LINGO2: variants seen among roughly 807,000 people sequenced by gnomAD.
The protein encoded by LINGO2 is leucine rich repeat and Ig domain containing 2.
Under a neutral mutation model 30.6 loss-of-function variants are expected in LINGO2, and 14 were observed. That is an observed-to-expected ratio of 0.46 (90% CI 0.30 to 0.72). The LOEUF (loss-of-function observed/expected upper bound fraction) is 0.72, where lower values mean the gene tolerates loss of function less well. Among genes scored for constraint, LINGO2 ranks in the 30% least tolerant of loss-of-function variants. The probability of loss-of-function intolerance (pLI) is 0.07; values close to 1 mark genes in which losing one functional copy is unlikely to be tolerated. For missense variants in LINGO2, 729 were observed against 751.7 expected, an observed-to-expected ratio of 0.97 and a Z score of 0.35; for synonymous variants, 317 against 288.5, an observed-to-expected ratio of 1.10 and a Z score of -1.00.
At chr9:28,457,427 G>A (rs571708735) in intron 2 of LINGO2, among the ~76,000 whole-genome samples, 46 of 152,004 alleles carry the variant, frequency 3.0e-4, no homozygotes, top group South Asian at 2.3e-3. Context: ...TTGCTTGTCT[G>A]TTTTAGAGAT....
intron 3 of LINGO2, among the ~76,000 whole-genome samples, chr9:28,301,721 T>C (rs1489022297): frequency 2.0e-5 from 3 of 152,150 alleles, no homozygotes; most frequent in Non-Finnish European, 4.4e-5. Context: ...TTGCATAAAG[T>C]GAGAAATGGC....
chr9:29,160,287 A>G, the LINGO2 span, among the ~76,000 whole-genome samples: 1 of 152,336 alleles, frequency 6.6e-6, no homozygotes, highest in Non-Finnish European at 1.5e-5. Flanking sequence ...GCAGCAATGA[A>G]GCATAACTAG....
chr9:28,909,968 A>G, the LINGO2 span, among the ~76,000 whole-genome samples: 18 of 152,104 alleles, frequency 1.2e-4, no homozygotes, highest in Non-Finnish European at 2.2e-4. Flanking sequence ...AGAATAATAT[A>G]AACCAGAATA....
chr9:29,151,015 A>T, the LINGO2 span, among the ~76,000 whole-genome samples: 2 of 152,030 alleles, frequency 1.3e-5, no homozygotes, highest in Admixed American at 1.3e-4. Context: ...CTAGAGAGAT[A>T]GGTCAGGGCA....
intron 4 of LINGO2, among the ~76,000 whole-genome samples, chr9:28,180,844 CACAG>C (rs1828891311): frequency 1.3e-5 from 2 of 152,048 alleles, no homozygotes; most frequent in African/African-American, 2.4e-5. Context: ...CACACACACA[CACAG>C]AAAGAAATGT....
chr9:28,102,674 T>C (rs1826452511), intron 4 of LINGO2, among the ~76,000 whole-genome samples: 1 of 152,054 alleles, frequency 6.6e-6, no homozygotes, highest in Admixed American at 6.6e-5. Context: ...ACAGTATCAG[T>C]GATAAATTGG....
At chr9:28,213,290 C>T (rs1433838467) in intron 4 of LINGO2, among the ~76,000 whole-genome samples, 1 of 151,284 alleles carries the variant, frequency 6.6e-6, no homozygotes, top group Non-Finnish European at 1.5e-5. Context: ...ATTTTAGGAA[C>T]CCCTGTGTTT....
rs193172083 is a variant in LINGO2 at position 28,186,045 on chromosome 9, C to G, written c.-87+109163G>C. On this transcript the variant is annotated intron_variant, in intron 4 of 5. Transcript: ENST00000379992. ...TCATTTGGGACATGTCCTCAGCCAA[C>G]CGTCTTCTTCCATTCTCCTTTTACC... is the stretch of plus-strand genomic sequence containing the variant. 2.6e-5 allele frequency among the ~76,000 whole-genome samples: 4 copies of G among 152,272 alleles called. No individual in the cohort carries two copies. The East Asian group carries it at 7.7e-4, about 29-fold the overall frequency.
chr9:29,171,712 T>G, the LINGO2 span, among the ~76,000 whole-genome samples: 1 of 151,856 alleles, frequency 6.6e-6, no homozygotes, highest in South Asian at 2.1e-4. Context: ...CGGAAAAATA[T>G]TCCACATATA....
rs565251230 is a variant in LINGO2 at position 28,486,441 on chromosome 9, G to GA, written c.-364-10417dup. Among the ~76,000 whole-genome samples the GA allele has an allele frequency of 1.8e-3, 279 of 151,042 alleles. 2 individuals carry two copies. The highest frequency in any genetic ancestry group is 6.3e-3 in the African/African-American group (262 of 41,298). On this transcript the variant is annotated intron_variant, in intron 1 of 5. Coordinates refer to ENST00000379992, the Ensembl canonical transcript of LINGO2. ...CTAGGGTTCCTTTGTGTTATTTAGA[G>GA]AAAAAAAAATGTTTATTCCAATGAA...
chr9:28,784,692 G>A, the LINGO2 span, among the ~76,000 whole-genome samples: 37 of 152,226 alleles, frequency 2.4e-4, no homozygotes, highest in Admixed American at 7.2e-4. Flanking sequence ...GGTGGCTCAC[G>A]CCTGTAATCC....
Position 28,554,229 on chromosome 9 carries a change from T to A in LINGO2, c.-364-78204A>T, listed in dbSNP as rs202058758. Among the ~76,000 whole-genome samples, 1,134 of 151,418 alleles carry A rather than the reference T, an allele frequency of 7.5e-3. 38 individuals carry two copies. In the East Asian group the frequency reaches 0.095, roughly 13 times the overall value. ...AAATTGGATCAAGAGTCAAGACCCA[T>A]CAGTGTGCTGTATTCAGGAAACCCA... On this transcript the variant is annotated intron_variant, in intron 1 of 5. Transcript: ENST00000379992.
At chr9:29,141,042 G>A in the LINGO2 span, among the ~76,000 whole-genome samples, 2 of 151,988 alleles carry the variant, frequency 1.3e-5, no homozygotes, top group African/African-American at 4.8e-5. Flanking sequence ...ATGATAAAAG[G>A]AGTCCTTCAT....
the LINGO2 span, among the ~76,000 whole-genome samples, chr9:28,682,755 T>C: frequency 7.2e-5 from 11 of 152,118 alleles, no homozygotes; most frequent in African/African-American, 2.4e-4. Flanking sequence ...TGGATATTGA[T>C]ATGCTTTTAG....
At chr9:28,031,771 G>GAACA (rs1563927639) in intron 4 of LINGO2, among the ~76,000 whole-genome samples, 2 of 152,208 alleles carry the variant, frequency 1.3e-5, no homozygotes, top group African/African-American at 4.8e-5. Flanking sequence ...CTGTATGGCA[G>GAACA]CAAGCTGTCC....
chr9:28,117,603 T>C (rs561563707), intron 4 of LINGO2, among the ~76,000 whole-genome samples: 226 of 113,706 alleles, frequency 2.0e-3, no homozygotes, highest in African/African-American at 6.4e-3. Flanking sequence ...GTGTGGGATA[T>C]AGTCTCGTGG....
At chr9:28,499,693 A>T (rs1819806358) in intron 1 of LINGO2, among the ~76,000 whole-genome samples, 1 of 152,210 alleles carries the variant, frequency 6.6e-6, no homozygotes, top group South Asian at 2.1e-4. Context: ...ATAGCACAGT[A>T]CATGGCCATA....
the LINGO2 span, among the ~76,000 whole-genome samples, chr9:28,901,968 T>C: frequency 2.0e-5 from 3 of 152,048 alleles, no homozygotes; most frequent in Non-Finnish European, 2.9e-5. Flanking sequence ...AGCAGGAGGA[T>C]CACTTGAACA....
chr9:28,411,005 C>T (rs1335145979), intron 2 of LINGO2, among the ~76,000 whole-genome samples: 2 of 152,124 alleles, frequency 1.3e-5, no homozygotes, highest in Non-Finnish European at 2.9e-5. Context: ...AGAGAAGTTA[C>T]TAAGAATTCA....
Sources: allele counts gnomAD v4.1 joint callset (sites outside exome capture counted in the v4.1 genomes callset), GRCh38; gene constraint gnomAD v4.1.1; transcripts MANE v1.5; gene names NCBI Gene and HGNC (gene_info 2026-07-23, HGNC 2026-07-21).